DNAJC17: variants seen among roughly 807,000 people sequenced by gnomAD.
The protein encoded by DNAJC17 is DnaJ heat shock protein family (Hsp40) member C17, also known as dnaJ homolog subfamily C member 17.
Under a neutral mutation model 48.1 loss-of-function variants are expected in DNAJC17, and 35 were observed. That is an observed-to-expected ratio of 0.73 (90% CI 0.56 to 0.96). The LOEUF (loss-of-function observed/expected upper bound fraction) is 0.96. DNAJC17 is among the 50% of genes least tolerant of loss of function. The pLI, the probability that DNAJC17 is intolerant of heterozygous loss-of-function variation, is 0.00. For synonymous variants in DNAJC17, 117 were observed against 142.7 expected, an observed-to-expected ratio of 0.82 and a Z score of 1.28; for missense variants, 355 against 377.1, an observed-to-expected ratio of 0.94 and a Z score of 0.48.
At position 40,791,330 on chromosome 15, in the gene DNAJC17, C is replaced by T. The variant is rs150408960; in HGVS notation, c.79-11333G>A. 3.5e-3 allele frequency among the ~76,000 whole-genome samples: 540 copies of T among 152,148 alleles called. 3 individuals carry two copies. Among genetic ancestry groups the T allele is most frequent in the African/African-American group, 0.013 (520 of 41,506 alleles). On this transcript the variant is annotated intron_variant, in intron 1 of 10. Transcript: ENST00000220496. The stretch of plus-strand genomic sequence containing the variant: ...TCACCTGAGGTGAGAAGTTTTGAGA[C>T]CAGCCTGGCCAACATGGTGAAACCC...
At chr15:40,784,455 T>TA (rs1036284174) in intron 1 of DNAJC17, among the ~76,000 whole-genome samples, 1 of 152,190 alleles carries the variant, frequency 6.6e-6, no homozygotes, top group Non-Finnish European at 1.5e-5. Flanking sequence ...TATTGTCAAA[T>TA]ATGCTTTACA....
chr15:40,767,179 G>T lies in DNAJC17; in HGVS notation c.*761C>A, dbSNP rs1020791200. 1 of 1,449,838 alleles carries T rather than the reference G, an allele frequency of 6.9e-7. No homozygotes were observed. Among genetic ancestry groups the T allele is most frequent in the Non-Finnish European group, 9.1e-7 (1 of 1,098,524 alleles). The allele number at this position is 1,449,838 out of a possible 1,614,324, so 89.8% of individuals were successfully genotyped here. ...TGCAGACACTAGCTTTGTACCAGGA[G>T]CTTGCTGTGTGCCCCTCCTCACCCC... On this transcript the variant is annotated 3_prime_UTR_variant, in exon 11 of 11. Transcript: ENST00000220496.
intron 4 of DNAJC17, among the ~76,000 whole-genome samples, chr15:40,777,813 G>T (rs961917351): frequency 2.0e-5 from 3 of 151,970 alleles, no homozygotes; most frequent in Admixed American, 6.6e-5. Context: ...ATCTTATTGG[G>T]TTGATGAAAA....
Position 40,775,545 on chromosome 15 carries a change from A to G in DNAJC17, c.522+8T>C. 6.2e-7 allele frequency: 1 copy of G among 1,613,752 alleles called. No individual in the cohort carries two copies. The highest frequency in any genetic ancestry group is 8.5e-7 in the Non-Finnish European group (1 of 1,179,980). On this transcript the variant is annotated splice_region_variant and intron_variant, in intron 7 of 10. Coordinates refer to ENST00000220496, the MANE Select transcript of DNAJC17 (RefSeq NM_018163.3). ...GTGAGGTGGCCCACAGATCCTGCCC[A>G]GGCTCACCTTTAGTTTGGGGGTTCC...
At chr15:40,780,085 A>G (rs1443182058) in intron 1 of DNAJC17, 88 bp from the exon 2 acceptor site, 5 of 1,276,664 alleles carry the variant, frequency 3.9e-6, no homozygotes, top group Non-Finnish European at 5.6e-6. Context: ...GGGGAATCCC[A>G]TGCACACCTA....
At chr15:40,774,740 A>G (rs1452691282) in intron 8 of DNAJC17, among the ~76,000 whole-genome samples, 1 of 152,226 alleles carries the variant, frequency 6.6e-6, no homozygotes, top group African/African-American at 2.4e-5. Context: ...TTCGTGCCAG[A>G]TACGCACCTC....
chr15:40,768,536 CTCTT>C (rs1889023828), intron 10 of DNAJC17, among the ~76,000 whole-genome samples: 1 of 152,186 alleles, frequency 6.6e-6, no homozygotes, highest in Non-Finnish European at 1.5e-5. Context: ...TGTGGTCTGG[CTCTT>C]GCTGAGGATG....
intron 1 of DNAJC17, 170 bp downstream of exon 1, chr15:40,807,199 C>A: frequency 6.7e-7 from 1 of 1,486,742 alleles, no homozygotes; most frequent in Non-Finnish European, 9.0e-7. Flanking sequence ...GGCCCTCGGA[C>A]CGTCCAGGAA....
chr15:40,774,837 G>T, intron 8 of DNAJC17, 194 bp downstream of exon 8: 2 of 633,356 alleles, frequency 3.2e-6, no homozygotes, highest in Admixed American at 2.8e-5. Context: ...CTGGAAGGGG[G>T]CACATGGCCA....
intron 1 of DNAJC17, among the ~76,000 whole-genome samples, chr15:40,798,636 G>A (rs1449240012): frequency 6.6e-6 from 1 of 152,166 alleles, no homozygotes; most frequent in African/African-American, 2.4e-5. Context: ...GGGCCGCGTG[G>A]GCCAGGGGAA....
At chr15:40,780,791 C>T (rs986479039) in intron 1 of DNAJC17, among the ~76,000 whole-genome samples, 6 of 148,516 alleles carry the variant, frequency 4.0e-5, no homozygotes, top group African/African-American at 1.3e-4. Context: ...TCCGGCCTGG[C>T]GACAGAGCAA....
intron 1 of DNAJC17, among the ~76,000 whole-genome samples, chr15:40,784,457 T>C (rs897650407): frequency 1.3e-5 from 2 of 152,224 alleles, no homozygotes; most frequent in Admixed American, 1.3e-4. Flanking sequence ...TTGTCAAATA[T>C]GCTTTACATA....
chr15:40,799,999 T>G (rs57818172), intron 1 of DNAJC17, among the ~76,000 whole-genome samples: 51,689 of 151,544 alleles, frequency 0.34, 8,998 homozygotes, highest in South Asian at 0.41. Context: ...CCAGGGTTTT[T>G]TTTTTGTTGT....
intron 1 of DNAJC17, among the ~76,000 whole-genome samples, chr15:40,794,757 G>A (rs912456148): frequency 4.6e-5 from 7 of 151,998 alleles, no homozygotes; most frequent in Admixed American, 3.3e-4. Flanking sequence ...TTGCTCTGTC[G>A]CCCAGGCTGG....
chr15:40,774,903 C>G lies in DNAJC17; in HGVS notation c.600+128G>C, dbSNP rs184729075. ...AGAAGTCTCTAAGACGTCCCATGGT[C>G]TATGAGACAGAAAAAAAAAGCAAGT... is the stretch of plus-strand genomic sequence containing the variant. On this transcript the variant is annotated intron_variant, in intron 8 of 10. Coordinates refer to ENST00000220496, the MANE Select transcript of DNAJC17 (RefSeq NM_018163.3). 1,395 of 965,748 alleles carry G rather than the reference C, an allele frequency of 1.4e-3. 1 individual carries two copies. The highest frequency in any genetic ancestry group is 1.9e-3 in the Non-Finnish European group (1,241 of 637,664). 59.8% of individuals were successfully genotyped at this position (965,748 alleles called of 1,614,324 possible). A position where few individuals can be genotyped will look rare whatever the true frequency, so the allele number is the denominator to read the frequency against.
At chr15:40,804,195 C>T (rs1025234345) in intron 1 of DNAJC17, among the ~76,000 whole-genome samples, 1 of 151,970 alleles carries the variant, frequency 6.6e-6, no homozygotes, top group African/African-American at 2.4e-5. Context: ...GTCTCAAACT[C>T]CTGGCCTCAA....
intron 10 of DNAJC17, among the ~76,000 whole-genome samples, chr15:40,768,859 T>A (rs73398515): frequency 6.6e-6 from 1 of 152,112 alleles, no homozygotes; most frequent in Non-Finnish European, 1.5e-5. Context: ...CTCAGAGAAG[T>A]GTGAAGCACA....
chr15:40,786,628 C>G (rs772837578), intron 1 of DNAJC17, among the ~76,000 whole-genome samples: 3 of 152,220 alleles, frequency 2.0e-5, no homozygotes, highest in Non-Finnish European at 4.4e-5. Flanking sequence ...CCTAAATCCC[C>G]TGGTCTCTCT....
chr15:40,783,080 AAT>A (rs59349461), intron 1 of DNAJC17, among the ~76,000 whole-genome samples: 13,843 of 152,114 alleles, frequency 0.091, 1,703 homozygotes, highest in African/African-American at 0.28. Flanking sequence ...TCATCTTTGC[AAT>A]ATATCATCTT....
Sources: gnomAD v4.1 joint callset for allele counts (sites outside exome capture counted in the v4.1 genomes callset) on GRCh38, gnomAD v4.1.1 for gene constraint, MANE v1.5 for transcripts, NCBI Gene and HGNC (gene_info 2026-07-23, HGNC 2026-07-21) for gene names.